The following RAD51B variants were observed in gnomAD, a reference collection of about 807,000 sequenced individuals.
RAD51B encodes DNA repair protein RAD51 homolog 2.
RAD51B carries 38 observed loss-of-function variants against 42.2 expected under a neutral mutation model. The ratio of observed to expected loss-of-function variants is 0.90; its 90% CI spans 0.70 to 1.18. RAD51B has a LOEUF of 1.18. Among genes scored for constraint, RAD51B ranks in the 50% most tolerant of loss-of-function variants. The probability of loss-of-function intolerance (pLI) is 0.00; values close to 1 mark genes in which losing one functional copy is unlikely to be tolerated. For synonymous variants in RAD51B, 154 were observed against 145.2 expected, an observed-to-expected ratio of 1.06 and a Z score of -0.43; for missense variants, 373 against 400.7, an observed-to-expected ratio of 0.93 and a Z score of 0.59.
intron 7 of RAD51B, among the ~76,000 whole-genome samples, chr14:67,989,635 C>CAAAAAAAAA (rs764608072): frequency 4.8e-4 from 32 of 66,624 alleles, no homozygotes; most frequent in Admixed American, 5.2e-4. Flanking sequence ...AACTCTGTCT[C>CAAAAAAAAA]AAAAAAAAAA....
chr14:68,481,117 T>C (rs1179020391), downstream of RAD51B, among the ~76,000 whole-genome samples: 1 of 152,202 alleles, frequency 6.6e-6, no homozygotes, highest in Admixed American at 6.5e-5. Context: ...AAGGTAAATG[T>C]ATATGTTTTT....
chr14:68,445,824 C>G (rs1053848020), intron 9 of RAD51B, among the ~76,000 whole-genome samples: 3 of 152,134 alleles, frequency 2.0e-5, no homozygotes, highest in African/African-American at 7.2e-5. Context: ...AAGTGATTGA[C>G]TTGGTGAATG....
At chr14:68,312,591 C>T (rs1484914725) in intron 8 of RAD51B, among the ~76,000 whole-genome samples, 1 of 152,172 alleles carries the variant, frequency 6.6e-6, no homozygotes, top group Non-Finnish European at 1.5e-5. Flanking sequence ...CTGGTAATCA[C>T]ACAAACAGTT....
chr14:67,844,311 A>C (rs1050282596), intron 4 of RAD51B, among the ~76,000 whole-genome samples: 1 of 151,948 alleles, frequency 6.6e-6, no homozygotes, highest in Non-Finnish European at 1.5e-5. Flanking sequence ...GTACAGATGA[A>C]AATAATGTAT....
At position 68,390,745 on chromosome 14, in the gene RAD51B, TAAG is replaced by T. The variant is rs1343761256; in HGVS notation, c.854-20678_854-20676del. On this transcript the variant is annotated intron_variant, in intron 8 of 10. Coordinates refer to ENST00000471583, the MANE Select transcript of RAD51B (RefSeq NM_133510.4). ...TTTTTCAGTTGGGGAAACTGAGGCT[TAAG>T]GAGGTCACAGAATGAGTTAGTCACA... 3.3e-5 allele frequency among the ~76,000 whole-genome samples: 5 copies of T among 152,196 alleles called. No individual in the cohort carries two copies. The East Asian group carries it at 7.7e-4, about 23-fold the overall frequency.
chr14:67,870,310 A>C (rs549889096), intron 5 of RAD51B, among the ~76,000 whole-genome samples: 9 of 152,368 alleles, frequency 5.9e-5, no homozygotes, highest in African/African-American at 1.9e-4. Context: ...AACAGACTTT[A>C]AACCAACAAA....
chr14:67,845,333 A>G (rs1037560187), intron 4 of RAD51B, among the ~76,000 whole-genome samples: 1 of 152,170 alleles, frequency 6.6e-6, no homozygotes. Context: ...TTGTCTGAAA[A>G]GGATCTTATT....
intron 7 of RAD51B, among the ~76,000 whole-genome samples, chr14:68,205,008 A>G (rs1273897549): frequency 6.6e-6 from 1 of 152,206 alleles, no homozygotes; most frequent in African/African-American, 2.4e-5. Flanking sequence ...ACTTATGACA[A>G]TAAAAAAATC....
chr14:67,882,009 G>A (rs2140040936), intron 5 of RAD51B, among the ~76,000 whole-genome samples: 1 of 152,240 alleles, frequency 6.6e-6, no homozygotes, highest in South Asian at 2.1e-4. Flanking sequence ...ACCTAACTCT[G>A]TCACCCAGGC....
chr14:68,535,567 A>G (rs932472082), intron 10 of RAD51B, among the ~76,000 whole-genome samples: 7 of 152,224 alleles, frequency 4.6e-5, no homozygotes, highest in African/African-American at 1.4e-4. Context: ...AGCAGGCCTT[A>G]GGATCACCAG....
chr14:68,257,869 A>AC (rs1261263620), intron 7 of RAD51B, among the ~76,000 whole-genome samples: 15 of 152,214 alleles, frequency 9.9e-5, no homozygotes, highest in African/African-American at 3.6e-4. Flanking sequence ...ATGGTAGAGA[A>AC]CCACAATAGA....
At position 68,373,606 on chromosome 14, in the gene RAD51B, C is replaced by T. The variant is rs569891544; in HGVS notation, c.854-37818C>T. 2.4e-3 allele frequency among the ~76,000 whole-genome samples: 364 copies of T among 151,892 alleles called. 2 individuals are homozygous for T. The highest frequency in any genetic ancestry group is 8.0e-3 in the African/African-American group (332 of 41,414). ...ACACAGGGAGGGGAACTTCATACAC[C>T]GGGGCCTGTTGGTGGGTGGGGGGCA... On this transcript the variant is annotated intron_variant, in intron 8 of 10. Transcript: ENST00000471583.
intron 8 of RAD51B, among the ~76,000 whole-genome samples, chr14:68,381,228 A>T (rs2083471632): frequency 6.6e-6 from 1 of 152,242 alleles, no homozygotes; most frequent in African/African-American, 2.4e-5. Flanking sequence ...GACTCACCAG[A>T]ATTCCAGTCT....
rs546595567 is a variant in RAD51B, at chr14:68,223,317, A to G, written c.757-68567A>G. Among the ~76,000 whole-genome samples, 5 of 152,328 alleles carry G rather than the reference A, an allele frequency of 3.3e-5. No homozygotes were observed. In the East Asian group the frequency reaches 9.6e-4, roughly 29 times the overall value. ...GGCCAAGGCTTGATTTAGGATATGT[A>G]TGTTTTTAATACATGTCTAATGAAT... On this transcript the variant is annotated intron_variant, in intron 7 of 10. Transcript: ENST00000471583.
intron 10 of RAD51B, among the ~76,000 whole-genome samples, chr14:68,473,039 T>G (rs2086165097): frequency 1.3e-5 from 2 of 152,184 alleles, no homozygotes; most frequent in African/African-American, 4.8e-5. Flanking sequence ...TTGACAAAAA[T>G]GTCCCCCCAA....
At chr14:68,486,859 G>A (rs943936422) in intron 10 of RAD51B, among the ~76,000 whole-genome samples, 3 of 152,102 alleles carry the variant, frequency 2.0e-5, no homozygotes, top group African/African-American at 4.8e-5. Context: ...AGTTCATCTC[G>A]CTGGTAGAAT....
At chr14:68,210,845 A>C (rs1334775346) in intron 7 of RAD51B, among the ~76,000 whole-genome samples, 1 of 152,170 alleles carries the variant, frequency 6.6e-6, no homozygotes, top group African/African-American at 2.4e-5. Flanking sequence ...ACAAAGAGCA[A>C]GTAGGTCACT....
At chr14:67,981,077 T>G (rs2075083800) in intron 7 of RAD51B, among the ~76,000 whole-genome samples, 1 of 152,154 alleles carries the variant, frequency 6.6e-6, no homozygotes, top group Non-Finnish European at 1.5e-5. Context: ...GGATAGAGTA[T>G]GGTGGATTAC....
chr14:68,265,156 C>T (rs1033372823), intron 7 of RAD51B, among the ~76,000 whole-genome samples: 4 of 152,158 alleles, frequency 2.6e-5, no homozygotes, highest in African/African-American at 4.8e-5. Flanking sequence ...TATCAACTTA[C>T]GATAAACATT....
Sources: gnomAD v4.1 joint callset for allele counts (sites outside exome capture counted in the v4.1 genomes callset) on GRCh38, gnomAD v4.1.1 for gene constraint, MANE v1.5 for transcripts, NCBI Gene and HGNC (gene_info 2026-07-23, HGNC 2026-07-21) for gene names.